COL12A1: variants seen among roughly 807,000 people sequenced by gnomAD.
COL12A1 encodes collagen type XII alpha 1 chain, also known as collagen alpha-1(XII) chain.
COL12A1 carries 114 observed loss-of-function variants against 349.7 expected under a neutral mutation model. The observed-to-expected ratio is 0.33, with a 90% CI of 0.28 to 0.38. The LOEUF (loss-of-function observed/expected upper bound fraction) is 0.38. Among genes scored for constraint, COL12A1 ranks in the 10% least tolerant of loss-of-function variants. The probability of loss-of-function intolerance (pLI) is 1.00; values close to 1 mark genes in which losing one functional copy is unlikely to be tolerated. For missense variants in COL12A1, 3,284 were observed against 3,756.9 expected, an observed-to-expected ratio of 0.87 and a Z score of 3.29; for synonymous variants, 1,369 against 1,329.0, an observed-to-expected ratio of 1.03 and a Z score of -0.66.
intron 17 of COL12A1, 126 bp from the exon 18 acceptor site, chr6:75,152,608 T>C: frequency 2.0e-6 from 2 of 1,001,034 alleles, no homozygotes; most frequent in Admixed American, 2.1e-5. Context: ...TCTAGCTCAG[T>C]GATGTGGAGT....
Position 75,155,731 on chromosome 6 carries a change from C to T in COL12A1, c.3374G>A (p.Gly1125Glu), listed in dbSNP as rs1029379585. The change falls in exon 16 of 66, where the codon GGG becomes GAG. Residue 1125 changes from glycine to glutamate, a missense_variant. Physicochemically the swap from Gly to Glu is moderately conservative, Grantham distance 98. Transcript: ENST00000322507. ...KGYKVTFHPT[G>E]DDRRLGELVV... ...TAACTCCCCCAGTCTTCTGTCATCC[C>T]CCGTAGGGTGGAATGTGACTTTATA... 3.1e-6 allele frequency: 5 copies of T among 1,613,020 alleles called. No homozygotes were observed. Among genetic ancestry groups the T allele is most frequent in the African/African-American group, 2.7e-5 (2 of 74,782 alleles).
rs1766412689 is a variant in COL12A1, at chr6:75,133,440, A to G, written c.5665-18T>C. The G allele has an allele frequency of 6.3e-7, 1 of 1,595,482 alleles. No individual in the cohort carries two copies. The highest frequency in any genetic ancestry group is 1.4e-5 in the African/African-American group (1 of 73,722). On this transcript the variant is annotated intron_variant, in intron 33 of 65. Transcript: ENST00000322507. ...ATTGGTACCTAAAGATTTTAATAAA[A>G]CAAAAAGCATTGACTTGAAAAATTT...
intron 42 of COL12A1, 61 bp downstream of exon 42, chr6:75,123,887 T>C: frequency 1.3e-6 from 2 of 1,527,348 alleles, no homozygotes; most frequent in African/African-American, 2.8e-5. Context: ...TAAGTCTTCC[T>C]TACCTAGAGC....
Position 75,106,488 on chromosome 6 carries a change from G to A in COL12A1, c.8109C>T (p.Ile2703=). ...GACTGCAGACAATGTCAAAACTCTG[G>A]ATTTGGAACTGCAAACAACCAACAG... is the stretch of plus-strand genomic sequence containing the variant. ...KGERKSAAFQ[I]QSFDIVCSPV... The change falls in exon 53 of 66, where the codon ATC becomes ATT. Residue 2703 remains isoleucine (I), a synonymous_variant. Transcript: ENST00000322507. The A allele has an allele frequency of 1.2e-6, 2 of 1,613,864 alleles. No individual in the cohort carries two copies. The highest frequency in any genetic ancestry group is 1.7e-6 in the Non-Finnish European group (2 of 1,179,830).
intron 11 of COL12A1, among the ~76,000 whole-genome samples, chr6:75,180,272 A>G (rs555809527): frequency 6.6e-6 from 1 of 152,340 alleles, no homozygotes; most frequent in African/African-American, 2.4e-5. Flanking sequence ...CAAGTACTGA[A>G]AGATTCCTCT....
At chr6:75,162,843 T>A (rs1350603293) in intron 14 of COL12A1, among the ~76,000 whole-genome samples, 1 of 152,058 alleles carries the variant, frequency 6.6e-6, no homozygotes, top group Admixed American at 6.5e-5. Flanking sequence ...CATGAAAAAG[T>A]TGGCAAAGGA....
chr6:75,128,937 C>A (rs769293549), intron 37 of COL12A1, among the ~76,000 whole-genome samples: 1 of 152,212 alleles, frequency 6.6e-6, no homozygotes, highest in African/African-American at 2.4e-5. Context: ...TTAGCTGAAA[C>A]AGATGGGAAT....
intron 53 of COL12A1, among the ~76,000 whole-genome samples, chr6:75,105,520 G>C (rs1007789151): frequency 6.6e-6 from 1 of 152,092 alleles, no homozygotes; most frequent in Non-Finnish European, 1.5e-5. Flanking sequence ...CAAGACCACT[G>C]AGATCTCTGG....
chr6:75,151,335 T>C (rs1232352961), intron 20 of COL12A1, 48 bp from the exon 21 acceptor site: 19 of 1,558,062 alleles, frequency 1.2e-5, no homozygotes, highest in Non-Finnish European at 1.7e-5. Flanking sequence ...CAGAAAAAAA[T>C]TAATGGAATG....
intron 3 of COL12A1, among the ~76,000 whole-genome samples, chr6:75,193,979 A>G (rs577248416): frequency 7.2e-5 from 11 of 152,208 alleles, no homozygotes; most frequent in Admixed American, 3.9e-4. Context: ...TCTATCATCG[A>G]TGGACATTTG....
chr6:75,152,243 A>G lies in COL12A1; in HGVS notation c.3723T>C (p.Ala1241=). The part of the protein sequence containing the change: ...IGPKRVQIAL[A]QYSGDPRTEW... ...CTGTTCTGGGATCCCCACTATACTG[A>G]GCAAGAGCTAAAATGACACCACTGG... The change falls in exon 19 of 66, where the codon GCT becomes GCC. Residue 1241 remains alanine (A), a synonymous_variant. Coordinates refer to ENST00000322507, the MANE Select transcript of COL12A1 (RefSeq NM_004370.6). 1.2e-6 allele frequency: 2 copies of G among 1,613,762 alleles called. No homozygotes were observed. The highest frequency in any genetic ancestry group is 1.7e-6 in the Non-Finnish European group (2 of 1,179,766).
intron 24 of COL12A1, among the ~76,000 whole-genome samples, chr6:75,145,747 T>G (rs1767150025): frequency 6.6e-6 from 1 of 151,900 alleles, no homozygotes; most frequent in Non-Finnish European, 1.5e-5. Flanking sequence ...TTCTCCTGTC[T>G]CAGCCTCCTG....
Position 75,164,673 on chromosome 6 carries a change from G to T in COL12A1, c.2983+834C>A, listed in dbSNP as rs79217079. Among the ~76,000 whole-genome samples, 248 of 152,254 alleles carry T rather than the reference G, an allele frequency of 1.6e-3. 1 individual carries two copies. Among genetic ancestry groups the T allele is most frequent in the Non-Finnish European group, 2.8e-3 (192 of 68,010 alleles). On this transcript the variant is annotated intron_variant, in intron 14 of 65. Transcript: ENST00000322507. ...CACCTCCACACATGCACAGCCTCCT[G>T]CATTATCAATATCCTTCACCAAAGT...
intron 37 of COL12A1, 143 bp from the exon 38 acceptor site, chr6:75,128,568 C>G (rs1766135769): frequency 3.1e-6 from 2 of 636,866 alleles, no homozygotes; most frequent in South Asian, 1.1e-4. Flanking sequence ...CGTGACAAGA[C>G]AAACTATCTT....
chr6:75,107,102 A>C (rs1233175316), intron 52 of COL12A1, among the ~76,000 whole-genome samples: 1 of 150,860 alleles, frequency 6.6e-6, no homozygotes, highest in Non-Finnish European at 1.5e-5. Flanking sequence ...GCGGGGTTTT[A>C]CCCTGTTGGC....
At chr6:75,161,814 G>T (rs1768041316) in intron 14 of COL12A1, among the ~76,000 whole-genome samples, 1 of 152,164 alleles carries the variant, frequency 6.6e-6, no homozygotes, top group Admixed American at 6.5e-5. Context: ...AAAGTCTCAG[G>T]ATACAAAATC....
chr6:75,105,714 A>G (rs1404819600), intron 53 of COL12A1, among the ~76,000 whole-genome samples: 2 of 152,114 alleles, frequency 1.3e-5, no homozygotes, highest in African/African-American at 4.8e-5. Context: ...GCTACTACCT[A>G]CCATCACTGT....
Position 75,123,422 on chromosome 6 carries a change from T to G in COL12A1, c.6872-18A>C. The G allele has an allele frequency of 6.5e-7, 1 of 1,534,622 alleles. No homozygotes were observed. The highest frequency in any genetic ancestry group is 2.0e-5 in the Admixed American group (1 of 49,018). On this transcript the variant is annotated intron_variant, in intron 42 of 65. Coordinates refer to ENST00000322507, the MANE Select transcript of COL12A1 (RefSeq NM_004370.6). ...TTTCACAGCTAAAATTTAAAAATAATAATTATAAAAACACACCATGTGCAC... is the reference window on the plus strand; with the variant it reads ...TTTCACAGCTAAAATTTAAAAATAAGAATTATAAAAACACACCATGTGCAC...
Position 75,184,699 on chromosome 6 carries a change from T to C in COL12A1, c.998-555A>G, listed in dbSNP as rs1409996093. ...CAGGGTAAGAAAAAAAGTTCAACTA[T>C]GTTCACAGTGCCACCAAACAGAGGG... On this transcript the variant is annotated intron_variant, in intron 8 of 65. Coordinates refer to ENST00000322507, the MANE Select transcript of COL12A1 (RefSeq NM_004370.6). Among the ~76,000 whole-genome samples the C allele has an allele frequency of 2.6e-5, 4 of 152,324 alleles. No individual in the cohort carries two copies. In the East Asian group the frequency reaches 7.7e-4, roughly 29 times the overall value.
Sources: allele counts gnomAD v4.1 joint callset (sites outside exome capture counted in the v4.1 genomes callset), GRCh38; gene constraint gnomAD v4.1.1; transcripts MANE v1.5; gene names NCBI Gene and HGNC (gene_info 2026-07-23, HGNC 2026-07-21).